Variants in CDON observed in about 807,000 individuals in gnomAD.
CDON encodes the protein cell adhesion associated, oncogene regulated, also known as cell adhesion molecule-related/down-regulated by oncogenes.
A neutral mutation model predicts 120.9 loss-of-function variants in CDON; 73 were observed. The observed-to-expected ratio is 0.60, with a 90% CI of 0.50 to 0.73. CDON has a LOEUF of 0.73. Among genes scored for constraint, CDON ranks in the 30% least tolerant of loss-of-function variants. CDON has a pLI of 0.00. For missense variants in CDON, 1,470 were observed against 1,587.3 expected (o/e 0.93, Z 1.26); for synonymous variants, 566 against 573.5 (o/e 0.99, Z 0.19).
chr11:125,989,896 A>C, intron 14 of CDON, 137 bp from the exon 15 acceptor site: 1 of 728,730 alleles, frequency 1.4e-6, no homozygotes, highest in South Asian at 1.6e-5. Context: ...AATGTACTTA[A>C]TAGTAAGTAT....
intron 11 of CDON, among the ~76,000 whole-genome samples, chr11:126,000,185 A>G (rs1443254828): frequency 1.3e-5 from 2 of 151,372 alleles, no homozygotes; most frequent in East Asian, 3.9e-4. Context: ...GGGTTTAGGT[A>G]TTTATATCAT....
chr11:126,030,427 C>A (rs1947913190), intron 1 of CDON, among the ~76,000 whole-genome samples: 1 of 152,158 alleles, frequency 6.6e-6, no homozygotes, highest in African/African-American at 2.4e-5. Flanking sequence ...CTATTTCAAA[C>A]TTTCTTGTAG....
At chr11:126,062,964 G>T (rs1948842443), upstream of CDON, among the ~76,000 whole-genome samples, 2 of 151,756 alleles carry the variant, frequency 1.3e-5, no homozygotes, top group Non-Finnish European at 2.9e-5. Context: ...CGAGCAGCGG[G>T]AGGAGGGACC....
chr11:125,965,434 GCAC>G lies in CDON; in HGVS notation c.3357-3439_3357-3437del, dbSNP rs1945769420. Among the ~76,000 whole-genome samples the G allele has an allele frequency of 3.3e-5, 5 of 152,300 alleles. No individual in the cohort carries two copies. The South Asian group carries it at 1.0e-3, about 32-fold the overall frequency. ...AAGGTCCGAGTGGCCCTGAGCATCA[GCAC>G]CACTTTTCTTCTGGAGGCATCTGCT... On this transcript the variant is annotated intron_variant, in intron 18 of 19. Coordinates refer to ENST00000531738, the MANE Select transcript of CDON (RefSeq NM_001378964.1).
intron 1 of CDON, among the ~76,000 whole-genome samples, chr11:126,050,810 G>A (rs1948540684): frequency 6.6e-6 from 1 of 151,868 alleles, no homozygotes; most frequent in Admixed American, 6.6e-5. Flanking sequence ...CATTCTTATA[G>A]TCTGCAGGGC....
intron 1 of CDON, among the ~76,000 whole-genome samples, chr11:126,027,341 C>T (rs769449358): frequency 1.1e-4 from 17 of 152,118 alleles, no homozygotes; most frequent in Admixed American, 4.6e-4. Flanking sequence ...AGTTTAGATA[C>T]GCAGAAATCA....
rs1018530949 is a variant in CDON at position 125,956,887 on chromosome 11, T to C, written c.*4055A>G. 2 of 981,512 alleles carry C rather than the reference T, an allele frequency of 2.0e-6. No individual in the cohort carries two copies. The highest frequency in any genetic ancestry group is 1.1e-4 in the East Asian group (1 of 8,804). 60.8% of individuals were successfully genotyped at this position (981,512 alleles called of 1,614,324 possible). A position where few individuals can be genotyped will look rare whatever the true frequency, so the allele number is the denominator to read the frequency against. On this transcript the variant is annotated 3_prime_UTR_variant, in exon 20 of 20. Coordinates refer to ENST00000531738, the MANE Select transcript of CDON (RefSeq NM_001378964.1). ...CGGCTACCCTCAAAGCTCTCAGGAC[T>C]GGGGCTAGGGTTTAAGGAAGGCTTA...
intron 8 of CDON, among the ~76,000 whole-genome samples, chr11:126,008,923 A>G (rs1235200095): frequency 6.6e-6 from 1 of 152,242 alleles, no homozygotes. Flanking sequence ...AGTAACAATC[A>G]TAACTTTATA....
chr11:125,968,664 T>A (rs1453521095), intron 18 of CDON, among the ~76,000 whole-genome samples: 1 of 152,218 alleles, frequency 6.6e-6, no homozygotes, highest in Non-Finnish European at 1.5e-5. Flanking sequence ...TGAACTATGA[T>A]CCTCAGTCAC....
At chr11:125,982,265 C>T (rs938714763) in intron 16 of CDON, among the ~76,000 whole-genome samples, 5 of 152,076 alleles carry the variant, frequency 3.3e-5, no homozygotes, top group Admixed American at 6.6e-5. Context: ...TGAGCCACTC[C>T]GCCCAGCCTT....
chr11:126,007,981 C>T (rs1893039), intron 8 of CDON, among the ~76,000 whole-genome samples: 7,274 of 152,132 alleles, frequency 0.048, 275 homozygotes, highest in Admixed American at 0.12. Context: ...GATGCAACTA[C>T]GGCAATGTAA....
In CDON at chr11:125,958,588, TGTGTTTATA is replaced by T. The variant is rs1369497248; in HGVS notation, c.*2345_*2353del. ...ATATGTGTGTGTGTGTGTGTGTGTG[TGTGTTTATA>T]TATATATATTTATATATTTCAATAT... On this transcript the variant is annotated 3_prime_UTR_variant, in exon 20 of 20. Transcript: ENST00000531738. The T allele has an allele frequency of 2.7e-5, 4 of 149,936 alleles. No individual in the cohort carries two copies. The highest frequency in any genetic ancestry group is 3.9e-4 in the East Asian group (2 of 5,136). The allele number at this position is 149,936 out of a possible 1,614,324, so 9.3% of individuals were successfully genotyped here. A position where few individuals can be genotyped will look rare whatever the true frequency, so the allele number is the denominator to read the frequency against.
At chr11:125,981,440 A>G in intron 16 of CDON, 111 bp from the exon 17 acceptor site, 1 of 1,100,278 alleles carries the variant, frequency 9.1e-7, no homozygotes, top group Non-Finnish European at 1.3e-6. Flanking sequence ...GCACACACGC[A>G]CACAGTAAGA....
chr11:126,044,177 G>A (rs139060926), intron 1 of CDON, among the ~76,000 whole-genome samples: 2 of 152,164 alleles, frequency 1.3e-5, no homozygotes, highest in African/African-American at 4.8e-5. Flanking sequence ...CACACATACT[G>A]CACAGATCCC....
rs187608053 is a variant in CDON at position 126,056,335 on chromosome 11, T to C, written c.-62+6244A>G. ...TCAACGCTCCCAACCCCCAATGAAA[T>C]CCTGACCACGGATGGTCTGATTTAG... is the stretch of plus-strand genomic sequence containing the variant. On this transcript the variant is annotated intron_variant, in intron 1 of 19. Transcript: ENST00000531738. Among the ~76,000 whole-genome samples the C allele has an allele frequency of 2.0e-3, 304 of 152,252 alleles. 2 individuals carry two copies. The highest frequency in any genetic ancestry group is 8.7e-4 in the Non-Finnish European group (59 of 68,012).
chr11:126,035,495 T>C (rs1201584867), intron 1 of CDON, among the ~76,000 whole-genome samples: 3 of 152,082 alleles, frequency 2.0e-5, no homozygotes, highest in Non-Finnish European at 2.9e-5. Flanking sequence ...AAACTGGTAA[T>C]GGGAATTAGG....
At chr11:126,028,967 G>A (rs937835316) in intron 1 of CDON, among the ~76,000 whole-genome samples, 5 of 151,926 alleles carry the variant, frequency 3.3e-5, no homozygotes, top group Non-Finnish European at 5.9e-5. Context: ...ATCAGGGAGT[G>A]CAAACATTTT....
At chr11:125,994,411 T>G (rs371721963) in intron 13 of CDON, 22 bp from the exon 14 acceptor site, 15 of 1,281,456 alleles carry the variant, frequency 1.2e-5, no homozygotes, top group Non-Finnish European at 1.7e-5. Context: ...AAGCAAAGAC[T>G]TGTCAAAGAG....
At chr11:126,005,698 T>C in intron 9 of CDON, 61 bp downstream of exon 9, 1 of 1,459,932 alleles carries the variant, frequency 6.8e-7, no homozygotes, top group South Asian at 1.1e-5. Flanking sequence ...GGCAACAGTA[T>C]ATGTTATACA....
Sources: allele counts gnomAD v4.1 joint callset (sites outside exome capture counted in the v4.1 genomes callset), GRCh38; gene constraint gnomAD v4.1.1; transcripts MANE v1.5; gene names NCBI Gene and HGNC (gene_info 2026-07-23, HGNC 2026-07-21).